MED6: variants seen among roughly 807,000 people sequenced by gnomAD.
The protein encoded by MED6 is mediator complex subunit 6, also known as mediator of RNA polymerase II transcription subunit 6.
In MED6, 33 loss-of-function variants were observed where a neutral mutation model predicts 37.5. That is an observed-to-expected ratio of 0.88 (90% confidence interval 0.67 to 1.18). The LOEUF (loss-of-function observed/expected upper bound fraction) is 1.18. Ranked by LOEUF, MED6 falls within the 50% of genes most tolerant of loss-of-function variation. MED6 has a pLI of 0.00. For synonymous variants in MED6, 94 were observed against 93.6 expected (o/e 1.00, Z -0.02); for missense variants, 235 against 290.6 (o/e 0.81, Z 1.39).
At chr14:70,584,967 T>C (rs1038901698) in intron 7 of MED6, 24 bp from the exon 8 acceptor site, 1 of 1,609,206 alleles carries the variant, frequency 6.2e-7, no homozygotes, top group Non-Finnish European at 8.5e-7. Context: ...GTAGATTTTT[T>C]GGGAGGGAGA....
intron 2 of MED6, among the ~76,000 whole-genome samples, chr14:70,597,121 C>A (rs1203247100): frequency 6.6e-6 from 1 of 152,140 alleles, no homozygotes; most frequent in East Asian, 1.9e-4. Flanking sequence ...TTATCCTCAT[C>A]CCAACAAATT....
chr14:70,595,662 G>A lies in MED6; in HGVS notation c.274+949C>T, dbSNP rs548313864. On this transcript the variant is annotated intron_variant, in intron 3 of 7. Coordinates refer to ENST00000256379, the MANE Select transcript of MED6 (RefSeq NM_005466.4). ...GAACATCAAGGTCAAGCTGTAGGCT[G>A]AGATCACCACCTACCGCCGCCTGCT... 6.8e-5 allele frequency: 65 copies of A among 959,898 alleles called. 1 individual carries two copies. The East Asian group carries it at 1.6e-3, about 24-fold the overall frequency. The allele number at this position is 959,898 out of a possible 1,614,324, so 59.5% of individuals were successfully genotyped here. A position where few individuals can be genotyped will look rare whatever the true frequency, so the allele number is the denominator to read the frequency against.
intron 5 of MED6, among the ~76,000 whole-genome samples, chr14:70,592,128 T>C (rs1884890619): frequency 6.6e-6 from 1 of 152,266 alleles, no homozygotes; most frequent in South Asian, 2.1e-4. Flanking sequence ...ACAAATGCTG[T>C]TTCCCTCAGT....
chr14:70,584,702 T>C lies in MED6; in HGVS notation c.*111A>G. The C allele has an allele frequency of 1.5e-6, 2 of 1,360,858 alleles. No individual in the cohort carries two copies. The highest frequency in any genetic ancestry group is 2.0e-6 in the Non-Finnish European group (2 of 1,000,976). 84.3% of individuals were successfully genotyped at this position (1,360,858 alleles called of 1,614,324 possible). On this transcript the variant is annotated 3_prime_UTR_variant, in exon 8 of 8. Coordinates refer to ENST00000256379, the MANE Select transcript of MED6 (RefSeq NM_005466.4). ...AATATCCTTTCAAAAAATAAGCGCA[T>C]TCCATACAAATAAGAAGGTTACAAT...
chr14:70,588,019 G>A lies in MED6; in HGVS notation c.583-2236C>T, dbSNP rs149226720. On this transcript the variant is annotated intron_variant, in intron 6 of 7. Transcript: ENST00000256379. ...ACTGCTCGATAAAATTGATTAGTAG[G>A]AATACCTGCTGTATCCTTATCCGAA... Among the ~76,000 whole-genome samples the A allele has an allele frequency of 6.4e-3, 980 of 152,310 alleles. 7 individuals carry two copies. The highest frequency in any genetic ancestry group is 0.031 in the South Asian group (149 of 4,824).
At position 70,584,717 on chromosome 14, in the gene MED6, A is replaced by G; in HGVS notation, c.*96T>C. On this transcript the variant is annotated 3_prime_UTR_variant, in exon 8 of 8. Transcript: ENST00000256379. ...AATAAGCGCATTCCATACAAATAAG[A>G]AGGTTACAATAAAGTACTTCAAAGC... is the stretch of plus-strand genomic sequence containing the variant. 7.0e-7 allele frequency: 1 copy of G among 1,422,214 alleles called. No homozygotes were observed. The highest frequency in any genetic ancestry group is 9.5e-7 in the Non-Finnish European group (1 of 1,050,696). 88.1% of individuals were successfully genotyped at this position (1,422,214 alleles called of 1,614,324 possible).
intron 3 of MED6, chr14:70,595,176 C>T (rs1342860124): frequency 1.9e-6 from 1 of 536,710 alleles, no homozygotes; most frequent in African/African-American, 1.9e-5. Flanking sequence ...GGAGGAGCTG[C>T]TCTTCATGAA....
intron 3 of MED6, chr14:70,594,753 G>A: frequency 1.9e-6 from 1 of 523,602 alleles, no homozygotes; most frequent in Non-Finnish European, 3.5e-6. Flanking sequence ...GGGATGGCCA[G>A]GGTTCTAGCA....
At chr14:70,590,677 A>G (rs750880898) in intron 6 of MED6, among the ~76,000 whole-genome samples, 1 of 152,100 alleles carries the variant, frequency 6.6e-6, no homozygotes, top group Non-Finnish European at 1.5e-5. Context: ...TATCTACTAG[A>G]CTCCAAAAGC....
chr14:70,595,113 G>A (rs1283158037), intron 3 of MED6: 1 of 530,008 alleles, frequency 1.9e-6, no homozygotes, highest in Non-Finnish European at 3.7e-6. Flanking sequence ...GGCTCTGCAA[G>A]GTCAATGACA....
intron 3 of MED6, chr14:70,594,539 CT>C: frequency 2.7e-6 from 1 of 376,614 alleles, no homozygotes; most frequent in South Asian, 2.5e-5. Context: ...TCTCACTCTC[CT>C]CCCCAGACAG....
At chr14:70,592,285 A>G (rs1349864519) in intron 5 of MED6, among the ~76,000 whole-genome samples, 1 of 152,152 alleles carries the variant, frequency 6.6e-6, no homozygotes, top group East Asian at 1.9e-4. Context: ...TGGAGCCACA[A>G]GAGGTGATGA....
At position 70,591,409 on chromosome 14, in the gene MED6, A is replaced by C; in HGVS notation, c.467-28T>G. 2.6e-6 allele frequency: 4 copies of C among 1,531,162 alleles called. No individual in the cohort carries two copies. The South Asian group carries it at 4.7e-5, about 18-fold the overall frequency. 94.8% of individuals were successfully genotyped at this position (1,531,162 alleles called of 1,614,324 possible). A position where few individuals can be genotyped will look rare whatever the true frequency, so the allele number is the denominator to read the frequency against. On this transcript the variant is annotated intron_variant, in intron 5 of 7. Transcript: ENST00000256379. ...ATTAAAATACGAAGTCCAAATCAAA[A>C]CATTGCCTACTTAGTTTGGTGTCTC...
At chr14:70,596,071 C>G (rs1885037302) in intron 3 of MED6, 1 of 235,864 alleles carries the variant, frequency 4.2e-6, no homozygotes, top group Admixed American at 5.0e-5. Context: ...GCTTTTGAAA[C>G]ATTTCCTATA....
At chr14:70,599,983 AAAC>A (rs761236800) in intron 1 of MED6, among the ~76,000 whole-genome samples, 4 of 152,112 alleles carry the variant, frequency 2.6e-5, no homozygotes, top group African/African-American at 4.8e-5. Flanking sequence ...ATATACACAA[AAAC>A]AACTCTACAT....
At chr14:70,588,109 G>A (rs1332199463) in intron 6 of MED6, among the ~76,000 whole-genome samples, 1 of 152,138 alleles carries the variant, frequency 6.6e-6, no homozygotes, top group Non-Finnish European at 1.5e-5. Context: ...AGAAGTTCTG[G>A]GAGACTTGCA....
Position 70,584,747 on chromosome 14 carries a change from G to C in MED6, c.*66C>G. ...TACAATAAAGTACTTCAAAGCTCAA[G>C]AGCCACAGTACTGAGGTATGATAAC... is the stretch of plus-strand genomic sequence containing the variant. On this transcript the variant is annotated 3_prime_UTR_variant, in exon 8 of 8. Coordinates refer to ENST00000256379, the MANE Select transcript of MED6 (RefSeq NM_005466.4). 2 of 1,541,352 alleles carry C rather than the reference G, an allele frequency of 1.3e-6. No homozygotes were observed. The highest frequency in any genetic ancestry group is 1.7e-6 in the Non-Finnish European group (2 of 1,145,748).
chr14:70,595,510 G>A (rs1399365112), intron 3 of MED6: 1 of 673,386 alleles, frequency 1.5e-6, no homozygotes, highest in Non-Finnish European at 2.7e-6. Flanking sequence ...AACAGCCTGA[G>A]GGAGGTGGAG....
intron 3 of MED6, chr14:70,596,174 A>T (rs1885040242): frequency 5.6e-6 from 1 of 178,780 alleles, no homozygotes; most frequent in South Asian, 1.4e-4. Flanking sequence ...AAAATCTAAA[A>T]ATCTGGTGGG....
Sources: allele counts gnomAD v4.1 joint callset (sites outside exome capture counted in the v4.1 genomes callset), GRCh38; gene constraint gnomAD v4.1.1; transcripts MANE v1.5; gene names NCBI Gene and HGNC (gene_info 2026-07-23, HGNC 2026-07-21).